PTGER2: variants seen among roughly 807,000 people sequenced by gnomAD.
PTGER2 encodes the protein prostaglandin E2 receptor EP2 subtype.
Under a neutral mutation model 26.2 loss-of-function variants are expected in PTGER2, and 22 were observed. The ratio of observed to expected loss-of-function variants is 0.84; its 90% confidence interval spans 0.60 to 1.20. The LOEUF is 1.20. Among genes scored for constraint, PTGER2 ranks in the 50% most tolerant of loss-of-function variants. The pLI is 0.00. For missense variants in PTGER2, 458 were observed against 475.2 expected (o/e 0.96, Z 0.34); for synonymous variants, 219 against 208.9 (o/e 1.05, Z -0.42).
At chr14:52,316,722 A>T (rs1234778679) in intron 1 of PTGER2, among the ~76,000 whole-genome samples, 2 of 152,110 alleles carry the variant, frequency 1.3e-5, no homozygotes, top group Non-Finnish European at 2.9e-5. Context: ...CAGCCCAGTT[A>T]ACTCCCTTAG....
chr14:52,327,538 T>A lies in PTGER2; in HGVS notation c.*84T>A. On this transcript the variant is annotated 3_prime_UTR_variant, in exon 2 of 2. Transcript: ENST00000245457. ...TCCTTGGAGAAATGAAAACAGTGTG[T>A]AAACAAAATGAAGCTGCCCTAATAA... 1 of 1,140,652 alleles carries A rather than the reference T, an allele frequency of 8.8e-7. No individual in the cohort carries two copies. The highest frequency in any genetic ancestry group is 2.1e-4 in the Middle Eastern group (1 of 4,836). 70.7% of individuals were successfully genotyped at this position (1,140,652 alleles called of 1,614,324 possible). A position where few individuals can be genotyped will look rare whatever the true frequency, so the allele number is the denominator to read the frequency against.
At chr14:52,316,493 G>T (rs569704241) in intron 1 of PTGER2, among the ~76,000 whole-genome samples, 68 of 152,274 alleles carry the variant, frequency 4.5e-4, no homozygotes, top group African/African-American at 1.4e-3. Flanking sequence ...TGATGCTGCA[G>T]CATCAAAGCA....
Position 52,315,142 on chromosome 14 carries a change from G to T in PTGER2, c.594G>T (p.Gln198His). 1.2e-6 allele frequency: 2 copies of T among 1,609,166 alleles called. No homozygotes were observed. The highest frequency in any genetic ancestry group is 1.7e-6 in the Non-Finnish European group (2 of 1,179,984). The change falls in exon 1 of 2, where the codon CAG (glutamine) becomes CAT (histidine). Residue 198 changes from glutamine (Q) to histidine (H), a missense_variant. Transcript: ENST00000245457. ...GGCACGGGCGGACCGCTTACCTGCAGCTGTACGCCACCCTGCTGCTGCTTC... is the reference window on the plus strand; with the variant it reads ...GGCACGGGCGGACCGCTTACCTGCATCTGTACGCCACCCTGCTGCTGCTTC... ...FIRHGRTAYL[Q>H]LYATLLLLLI... is the part of the protein sequence containing the mutation.
intron 1 of PTGER2, 119 bp downstream of exon 1, chr14:52,315,510 T>C (rs1226671201): frequency 4.5e-6 from 6 of 1,338,072 alleles, no homozygotes; most frequent in Middle Eastern, 3.6e-4. Context: ...AAATATGTCC[T>C]AATTTGTAAA....
rs753999431 is a variant in PTGER2 at position 52,315,385 on chromosome 14, T to C, written c.837T>C (p.Pro279=). Residue 279 remains proline (P), a synonymous_variant, in exon 1 of 2, where the codon CCT becomes CCC. Coordinates refer to ENST00000245457, the MANE Select transcript of PTGER2 (RefSeq NM_000956.4). ...TCACCTTCGCCGTCTGCTCCTTGCCTTTCACGGTAAGTCACTCCCTACGTT... is the reference window on the plus strand; with the variant it reads ...TCACCTTCGCCGTCTGCTCCTTGCCCTTCACGGTAAGTCACTCCCTACGTT... ...MTITFAVCSL[P]FTIFAYMNET... 3.7e-6 allele frequency: 6 copies of C among 1,612,762 alleles called. No individual in the cohort carries two copies. Among genetic ancestry groups the C allele is most frequent in the Middle Eastern group, 3.3e-4 (2 of 6,062 alleles).
In PTGER2 at chr14:52,315,167, C is replaced by T. The variant is rs1299552845; in HGVS notation, c.619C>T (p.Leu207Phe). Reference protein sequence around the residue: ...LQLYATLLLLLIVSVLACNFS... With the variant: ...LQLYATLLLLFIVSVLACNFS... ...GCTGTACGCCACCCTGCTGCTGCTT[C>T]TCATTGTCTCGGTGCTCGCCTGCAA... Residue 207 changes from leucine to phenylalanine, a missense_variant, in exon 1 of 2, where the codon CTC (leucine) becomes TTC (phenylalanine). Transcript: ENST00000245457. 3 of 1,608,418 alleles carry T rather than the reference C, an allele frequency of 1.9e-6. No homozygotes were observed. The highest frequency in any genetic ancestry group is 2.5e-6 in the Non-Finnish European group (3 of 1,180,010).
At position 52,319,102 on chromosome 14, in the gene PTGER2, A is replaced by G. The variant is rs556121097; in HGVS notation, c.843+3711A>G. On this transcript the variant is annotated intron_variant, in intron 1 of 1. Coordinates refer to ENST00000245457, the MANE Select transcript of PTGER2 (RefSeq NM_000956.4). The stretch of plus-strand genomic sequence containing the variant: ...AGAGAAAGTACTCATTTCAGGGGTA[A>G]CAGATGAGAAGATTAATCTAAGATT... 3.9e-5 allele frequency among the ~76,000 whole-genome samples: 6 copies of G among 152,368 alleles called. No individual in the cohort carries two copies. The East Asian group carries it at 1.2e-3, about 29-fold the overall frequency.
intron 1 of PTGER2, among the ~76,000 whole-genome samples, chr14:52,320,456 C>T (rs1031033521): frequency 5.3e-5 from 8 of 152,184 alleles, no homozygotes; most frequent in African/African-American, 1.9e-4. Context: ...TAAAGAGAAA[C>T]ACCTTCTGGA....
At chr14:52,315,719 T>C (rs1045026943) in intron 1 of PTGER2, among the ~76,000 whole-genome samples, 2 of 152,178 alleles carry the variant, frequency 1.3e-5, no homozygotes, top group Non-Finnish European at 2.9e-5. Context: ...TATCTTGGCT[T>C]AGTAATTGAG....
chr14:52,315,465 T>C, intron 1 of PTGER2, 74 bp downstream of exon 1: 3 of 1,558,598 alleles, frequency 1.9e-6, no homozygotes, highest in South Asian at 1.2e-5. Context: ...GCCTCCACCC[T>C]TTCCACCGCC....
chr14:52,315,671 A>G (rs1373490912), intron 1 of PTGER2, among the ~76,000 whole-genome samples: 1 of 151,280 alleles, frequency 6.6e-6, no homozygotes, highest in Non-Finnish European at 1.5e-5. Context: ...CAATCTCCTC[A>G]TCCTAGCCCT....
chr14:52,320,993 C>T (rs2033888895), intron 1 of PTGER2, among the ~76,000 whole-genome samples: 2 of 152,182 alleles, frequency 1.3e-5, no homozygotes, highest in Admixed American at 6.5e-5. Context: ...GTAGATGGTT[C>T]ATAGTGTCCA....
chr14:52,327,170 C>A, intron 1 of PTGER2, 51 bp from the exon 2 acceptor site: 1 of 1,332,298 alleles, frequency 7.5e-7, no homozygotes. Flanking sequence ...CTAAGCCTGT[C>A]TACTGCTACG....
At chr14:52,317,935 T>C (rs1275688768) in intron 1 of PTGER2, among the ~76,000 whole-genome samples, 2 of 152,238 alleles carry the variant, frequency 1.3e-5, no homozygotes, top group Admixed American at 6.5e-5. Flanking sequence ...AATAGATTAT[T>C]GGGAATAATT....
intron 1 of PTGER2, among the ~76,000 whole-genome samples, chr14:52,322,832 AC>A (rs2033911325): frequency 6.6e-6 from 1 of 152,126 alleles, no homozygotes; most frequent in Admixed American, 6.5e-5. Flanking sequence ...GAAGAAAAAT[AC>A]GGCTCTATTT....
rs940647585 is a variant in PTGER2, at chr14:52,328,417, T to C, written c.*963T>C. The C allele has an allele frequency of 6.6e-6, 1 of 152,664 alleles. No individual in the cohort carries two copies. The highest frequency in any genetic ancestry group is 1.5e-5 in the Non-Finnish European group (1 of 68,032). 9.5% of individuals were successfully genotyped at this position (152,664 alleles called of 1,614,324 possible). On this transcript the variant is annotated 3_prime_UTR_variant, in exon 2 of 2. Coordinates refer to ENST00000245457, the MANE Select transcript of PTGER2 (RefSeq NM_000956.4). ...CTGTCTATATTTTATTTAGGGAACATGGTTTGACTCATCTTATATGGGAAA... is the reference window on the plus strand; with the variant it reads ...CTGTCTATATTTTATTTAGGGAACACGGTTTGACTCATCTTATATGGGAAA...
At chr14:52,322,618 A>G (rs1442212754) in intron 1 of PTGER2, among the ~76,000 whole-genome samples, 2 of 152,120 alleles carry the variant, frequency 1.3e-5, no homozygotes, top group Admixed American at 1.3e-4. Context: ...CACCCTAGTA[A>G]GCCTGAGGGT....
At chr14:52,319,372 T>G (rs950978963) in intron 1 of PTGER2, among the ~76,000 whole-genome samples, 1 of 152,198 alleles carries the variant, frequency 6.6e-6, no homozygotes, top group African/African-American at 2.4e-5. Context: ...ATAATCAGAT[T>G]ATCCCTCACA....
intron 1 of PTGER2, among the ~76,000 whole-genome samples, chr14:52,318,560 A>G (rs888295293): frequency 6.6e-6 from 1 of 152,212 alleles, no homozygotes; most frequent in Non-Finnish European, 1.5e-5. Context: ...CTTCCTCAGG[A>G]TAACAAGCTG....
Sources: gnomAD v4.1 joint callset for allele counts (sites outside exome capture counted in the v4.1 genomes callset) on GRCh38, gnomAD v4.1.1 for gene constraint, MANE v1.5 for transcripts, NCBI Gene and HGNC (gene_info 2026-07-23, HGNC 2026-07-21) for gene names.